The following WDR20 variants were observed in gnomAD, a reference collection of about 807,000 sequenced individuals.
WDR20 encodes WD repeat domain 20.
A neutral mutation model predicts 38.7 loss-of-function variants in WDR20; 3 were observed. The ratio of observed to expected loss-of-function variants is 0.08; its 90% CI spans 0.04 to 0.20. The LOEUF is 0.20. WDR20 is among the 10% of genes least tolerant of loss of function. The pLI, the probability that WDR20 is intolerant of heterozygous loss-of-function variation, is 1.00. For synonymous variants in WDR20, 298 were observed against 285.6 expected, an observed-to-expected ratio of 1.04 and a Z score of -0.44; for missense variants, 559 against 727.7, an observed-to-expected ratio of 0.77 and a Z score of 2.67.
chr14:102,216,062 C>T (rs2063180010), downstream of WDR20, among the ~76,000 whole-genome samples: 1 of 152,180 alleles, frequency 6.6e-6, no homozygotes, highest in Non-Finnish European at 1.5e-5. Context: ...ATGTTGGCAG[C>T]CGGCTGAGCC....
At chr14:102,170,597 C>T (rs1160949150) in intron 1 of WDR20, among the ~76,000 whole-genome samples, 4 of 151,274 alleles carry the variant, frequency 2.6e-5, no homozygotes, top group South Asian at 2.1e-4. Context: ...GTCCTGAACC[C>T]GCTTTTCTAC....
rs149127182 is a variant in WDR20 at position 102,221,613 on chromosome 14, C to T, written c.1693-1217C>T. Among the ~76,000 whole-genome samples the T allele has an allele frequency of 0.012, 1,803 of 152,280 alleles. 14 individuals carry two copies. Among genetic ancestry groups the T allele is most frequent in the Middle Eastern group, 0.041 (12 of 294 alleles). On this transcript the variant is annotated intron_variant, in intron 3 of 3. Coordinates refer to the WDR20 transcript ENST00000335263. This position sits in a 1 kb window ranked among gnomAD's most constrained non-coding sequence, Gnocchi z 4.8. ...CTGAGCAGGGGCAGCTGCCACATTC[C>T]GTTTGCTTCCTGAGCTTGTCTAGGT... is the stretch of plus-strand genomic sequence containing the variant.
At chr14:102,141,619 T>C (rs2152656035) in intron 1 of WDR20, among the ~76,000 whole-genome samples, 1 of 152,282 alleles carries the variant, frequency 6.6e-6, no homozygotes, top group African/African-American at 2.4e-5. Flanking sequence ...TTAACTTCTA[T>C]TTGCACCTCT....
At chr14:102,187,414 G>GC (rs1204190648) in intron 1 of WDR20, among the ~76,000 whole-genome samples, 2 of 152,052 alleles carry the variant, frequency 1.3e-5, no homozygotes, top group African/African-American at 4.8e-5. Flanking sequence ...TAGGCTGGGG[G>GC]GGGGCTCAGG....
At chr14:102,215,858 C>G (rs2063156216), downstream of WDR20, among the ~76,000 whole-genome samples, 1 of 152,320 alleles carries the variant, frequency 6.6e-6, no homozygotes, top group South Asian at 2.1e-4. Context: ...AATACCATCC[C>G]TCACTCTTGA....
chr14:102,162,696 C>T (rs1420705443), intron 1 of WDR20, among the ~76,000 whole-genome samples: 1 of 152,094 alleles, frequency 6.6e-6, no homozygotes, highest in Non-Finnish European at 1.5e-5. Context: ...TCACTGCAAC[C>T]TCTGCCTCCT....
At chr14:102,163,368 C>T (rs990532662) in intron 1 of WDR20, among the ~76,000 whole-genome samples, 1 of 152,076 alleles carries the variant, frequency 6.6e-6, no homozygotes, top group Non-Finnish European at 1.5e-5. Context: ...TGGCTCACGC[C>T]TGTAATCCCA....
chr14:102,154,991 C>T (rs2057025574), intron 1 of WDR20, among the ~76,000 whole-genome samples: 2 of 152,254 alleles, frequency 1.3e-5, no homozygotes, highest in South Asian at 4.1e-4. Flanking sequence ...AGCTTTTACT[C>T]CCTGCATTAA....
chr14:102,185,229 AG>A (rs989025978), intron 1 of WDR20, among the ~76,000 whole-genome samples: 1 of 152,222 alleles, frequency 6.6e-6, no homozygotes, highest in Admixed American at 6.5e-5. Context: ...TGTATTCAGA[AG>A]GAAACTAATG....
rs150915937 is a variant in WDR20, at chr14:102,199,987, T to C, written c.432+4867T>C. On this transcript the variant is annotated intron_variant, in intron 2 of 2. Transcript: ENST00000342702. ...AGGGGACACCATAGGGCTCACACCT[T>C]CCATTGGGGGTGAAGGCAAACTTCA... Among the ~76,000 whole-genome samples, 769 of 152,324 alleles carry C rather than the reference T, an allele frequency of 5.0e-3. 6 individuals are homozygous for C. Among genetic ancestry groups the C allele is most frequent in the African/African-American group, 0.017 (709 of 41,576 alleles).
chr14:102,179,186 C>G (rs2062828775), intron 1 of WDR20, among the ~76,000 whole-genome samples: 1 of 151,876 alleles, frequency 6.6e-6, no homozygotes, highest in Non-Finnish European at 1.5e-5. Context: ...TAAGCAGCAA[C>G]CTTTCAGCTT....
chr14:102,214,986 G>A (rs563819660), downstream of WDR20: 33 of 984,532 alleles, frequency 3.4e-5, no homozygotes, highest in South Asian at 1.2e-3. Flanking sequence ...TTAAATAAAC[G>A]TGTGTGAGTG....
At chr14:102,169,831 C>T (rs2060470247) in intron 1 of WDR20, among the ~76,000 whole-genome samples, 1 of 152,104 alleles carries the variant, frequency 6.6e-6, no homozygotes, top group East Asian at 1.9e-4. Flanking sequence ...CCCGGCCTTT[C>T]TCAAGTAACT....
Position 102,208,085 on chromosome 14 carries a change from C to T in WDR20, c.433-518C>T, listed in dbSNP as rs548078284. On this transcript the variant is annotated intron_variant, in intron 2 of 2. Coordinates refer to ENST00000342702, the MANE Select transcript of WDR20 (RefSeq NM_144574.4). The surrounding 1 kb of genome is among the most constrained non-coding windows in gnomAD (Gnocchi z 5.6). ...TGGATTTCACTCCCCACCTTCGAGCCGCCAGAGCAGAGGGGCAGATGGAAC... is the reference window on the plus strand; with the variant it reads ...TGGATTTCACTCCCCACCTTCGAGCTGCCAGAGCAGAGGGGCAGATGGAAC... 3.3e-5 allele frequency among the ~76,000 whole-genome samples: 5 copies of T among 152,294 alleles called. No homozygotes were observed. The highest frequency in any genetic ancestry group is 6.5e-5 in the Admixed American group (1 of 15,296).
intron 1 of WDR20, among the ~76,000 whole-genome samples, chr14:102,163,308 C>T (rs569022424): frequency 1.3e-5 from 2 of 152,098 alleles, no homozygotes; most frequent in Non-Finnish European, 1.5e-5. Flanking sequence ...CCATCAGAAC[C>T]GTGAGCCAAA....
At chr14:102,182,012 A>G (rs1199057009) in intron 1 of WDR20, among the ~76,000 whole-genome samples, 1 of 152,228 alleles carries the variant, frequency 6.6e-6, no homozygotes, top group African/African-American at 2.4e-5. Flanking sequence ...AATATTACTG[A>G]ATACTTGAAA....
upstream of WDR20, chr14:102,139,767 A>AC (rs1258063504): frequency 5.3e-6 from 6 of 1,138,672 alleles, no homozygotes; most frequent in Middle Eastern, 2.8e-4. Flanking sequence ...AAACAAGCCC[A>AC]CCCCTTCCCT....
intron 1 of WDR20, among the ~76,000 whole-genome samples, chr14:102,193,226 C>T (rs909394495): frequency 1.1e-4 from 16 of 151,804 alleles, no homozygotes; most frequent in African/African-American, 3.4e-4. Flanking sequence ...CCATCCGAGC[C>T]GCTCAGAAGC....
chr14:102,143,789 C>T (rs1210026966), intron 1 of WDR20, among the ~76,000 whole-genome samples: 1 of 151,918 alleles, frequency 6.6e-6, no homozygotes, highest in East Asian at 2.0e-4. Context: ...GTGATCCACC[C>T]TCCTCGGCCT....
Sources: allele counts gnomAD v4.1 joint callset (sites outside exome capture counted in the v4.1 genomes callset), GRCh38; gene constraint gnomAD v4.1.1; non-coding constraint Gnocchi (gnomAD v3.1); transcripts MANE v1.5; gene names NCBI Gene and HGNC (gene_info 2026-07-23, HGNC 2026-07-21).